Variants in ANO2 observed in about 807,000 individuals in gnomAD.
ANO2 encodes anoctamin-2.
A neutral mutation model predicts 124.2 loss-of-function variants in ANO2; 101 were observed. That is an observed-to-expected ratio of 0.81 (90% CI 0.69 to 0.96). ANO2 has a LOEUF of 0.96. ANO2 is among the 40% of genes least tolerant of loss of function. The pLI is 0.00. For synonymous variants in ANO2, 486 were observed against 482.5 expected (o/e 1.01, Z -0.09); for missense variants, 1,293 against 1,274.5 (o/e 1.01, Z -0.22).
At chr12:5,565,470 A>G in intron 24 of ANO2, 88 bp downstream of exon 24, 1 of 1,137,092 alleles carries the variant, frequency 8.8e-7, no homozygotes, top group Non-Finnish European at 1.3e-6. Flanking sequence ...TACCACCGGA[A>G]CCTGGAGGTA....
At position 5,701,930 on chromosome 12, in the gene ANO2, C is replaced by T. The variant is rs138311089; in HGVS notation, c.1545+30590G>A. Among the ~76,000 whole-genome samples the T allele has an allele frequency of 4.8e-3, 729 of 152,040 alleles. 10 individuals are homozygous for T. The highest frequency in any genetic ancestry group is 4.4e-3 in the Non-Finnish European group (300 of 67,998). ...CCCAAATACAACAGCAGCTAAAACTCGATTATGGATAATTGATTATTCCTT... is the reference window on the plus strand; with the variant it reads ...CCCAAATACAACAGCAGCTAAAACTTGATTATGGATAATTGATTATTCCTT... On this transcript the variant is annotated intron_variant, in intron 14 of 24. Coordinates refer to ENST00000682330, the MANE Select transcript of ANO2 (RefSeq NM_001364791.2).
At chr12:5,799,438 AG>A (rs1167103015) in intron 10 of ANO2, 68 bp downstream of exon 10, 1 of 1,337,170 alleles carries the variant, frequency 7.5e-7, no homozygotes, top group Non-Finnish European at 1.1e-6. Flanking sequence ...CAGAGTCAAA[AG>A]GTTTATGATA....
chr12:5,844,835 T>TTG (rs570165687), intron 4 of ANO2, among the ~76,000 whole-genome samples: 1 of 120,636 alleles, frequency 8.3e-6, no homozygotes, highest in African/African-American at 2.8e-5. Context: ...GAACCAGTTT[T>TTG]TGTGTGTTTG....
At chr12:5,793,624 G>A (rs1045752983) in intron 10 of ANO2, among the ~76,000 whole-genome samples, 3 of 152,230 alleles carry the variant, frequency 2.0e-5, no homozygotes, top group Admixed American at 6.5e-5. Context: ...AGGTGGCCAT[G>A]GGGAACTTGT....
At chr12:5,939,083 G>A (rs922233582) in intron 1 of ANO2, among the ~76,000 whole-genome samples, 2 of 151,094 alleles carry the variant, frequency 1.3e-5, no homozygotes, top group African/African-American at 2.4e-5. Context: ...TGGGCGTAGT[G>A]GTGCGCGCCT....
At chr12:5,647,258 T>C (rs183788525) in intron 15 of ANO2, among the ~76,000 whole-genome samples, 193 of 152,324 alleles carry the variant, frequency 1.3e-3, no homozygotes, top group African/African-American at 4.4e-3. Flanking sequence ...CTGACGCAGC[T>C]GAGACCGTCT....
chr12:5,750,977 A>C lies in ANO2; in HGVS notation c.1056-7T>G. 1 of 1,582,782 alleles carries C rather than the reference A, an allele frequency of 6.3e-7. No homozygotes were observed. The highest frequency in any genetic ancestry group is 8.6e-7 in the Non-Finnish European group (1 of 1,164,114). On this transcript the variant is annotated splice_region_variant and splice_polypyrimidine_tract_variant and intron_variant, in intron 10 of 24. Transcript: ENST00000682330. ...TTTTTCTCCAAAATACTTTCTGGAA[A>C]AGAAAGAAAAGAAAATGAAACACAT... is the stretch of plus-strand genomic sequence containing the variant.
intron 14 of ANO2, among the ~76,000 whole-genome samples, chr12:5,731,982 T>C (rs1470515618): frequency 3.3e-5 from 5 of 152,202 alleles, no homozygotes; most frequent in Non-Finnish European, 5.9e-5. Context: ...CACAGACTAA[T>C]AGACCTGCAG....
chr12:5,658,740 T>A lies in ANO2; in HGVS notation c.1546-10939A>T, dbSNP rs540137469. On this transcript the variant is annotated intron_variant, in intron 14 of 24. Coordinates refer to ENST00000682330, the MANE Select transcript of ANO2 (RefSeq NM_001364791.2). This position sits in a 1 kb window ranked among gnomAD's most constrained non-coding sequence, Gnocchi z 4.3. The stretch of plus-strand genomic sequence containing the variant: ...GTCATCAATATCATCATCATCATCA[T>A]CAACATCATTATCATCATTAAATCA... Among the ~76,000 whole-genome samples the A allele has an allele frequency of 1.3e-5, 2 of 151,436 alleles. No individual in the cohort carries two copies. Among genetic ancestry groups the A allele is most frequent in the Admixed American group, 1.3e-4 (2 of 15,244 alleles).
At chr12:5,592,016 T>C (rs932596123) in intron 20 of ANO2, among the ~76,000 whole-genome samples, 8 of 152,206 alleles carry the variant, frequency 5.3e-5, no homozygotes, top group African/African-American at 9.6e-5. Context: ...AAATCAGAAG[T>C]GACTTTTCTT....
intron 3 of ANO2, among the ~76,000 whole-genome samples, chr12:5,867,928 A>G (rs1955474447): frequency 6.6e-6 from 1 of 152,172 alleles, no homozygotes; most frequent in Admixed American, 6.5e-5. Context: ...ACAGTAGGGG[A>G]GTGGGCAGGA....
chr12:5,615,158 T>C, intron 17 of ANO2, 28 bp downstream of exon 17: 1 of 1,593,412 alleles, frequency 6.3e-7, no homozygotes, highest in Non-Finnish European at 8.6e-7. Flanking sequence ...GCAAATTGCC[T>C]TTCTACACAT....
intron 10 of ANO2, among the ~76,000 whole-genome samples, chr12:5,788,748 AG>A (rs1449920032): frequency 2.0e-5 from 3 of 152,072 alleles, no homozygotes; most frequent in African/African-American, 7.2e-5. Flanking sequence ...TAGTAGAGAC[AG>A]GGTTTCACCA....
At chr12:5,780,060 G>C (rs576008427) in intron 10 of ANO2, among the ~76,000 whole-genome samples, 34 of 152,282 alleles carry the variant, frequency 2.2e-4, no homozygotes, top group Admixed American at 5.9e-4. Flanking sequence ...TTGAAAATCA[G>C]ATGTAAGAAA....
In ANO2 at chr12:5,635,226, A is replaced by G; in HGVS notation, c.1742T>C (p.Val581Ala). 6.2e-7 allele frequency: 1 copy of G among 1,612,404 alleles called. No homozygotes were observed. The highest frequency in any genetic ancestry group is 8.5e-7 in the Non-Finnish European group (1 of 1,179,490). Residue 581 changes from valine to alanine, a missense_variant, in exon 16 of 25, where the codon GTC (valine) becomes GCC (alanine). By Grantham distance (64) the Val-to-Ala change is moderately conservative. Coordinates refer to ENST00000682330, the MANE Select transcript of ANO2 (RefSeq NM_001364791.2). This position sits in a 1 kb window ranked among gnomAD's most constrained non-coding sequence, Gnocchi z 5.2. ...NVRVTVTATA[V>A]IINLVVILIL... ...GAGGATGACCACGAGGTTGATGATG[A>G]CTGCTGTTGCTGTCACTGTCACCCG...
At chr12:5,850,354 T>G (rs1954839575) in intron 4 of ANO2, among the ~76,000 whole-genome samples, 1 of 147,364 alleles carries the variant, frequency 6.8e-6, no homozygotes, top group Non-Finnish European at 1.5e-5. Flanking sequence ...AGGCAGAGGT[T>G]GCAGTGAGCC....
intron 3 of ANO2, among the ~76,000 whole-genome samples, chr12:5,879,489 A>G (rs1337062243): frequency 3.3e-5 from 5 of 152,252 alleles, no homozygotes; most frequent in Non-Finnish European, 5.9e-5. Flanking sequence ...CACTAGGGTT[A>G]CCAGGACAAA....
chr12:5,873,233 C>CTG (rs1937844036), intron 3 of ANO2, among the ~76,000 whole-genome samples: 1 of 139,090 alleles, frequency 7.2e-6, no homozygotes, highest in African/African-American at 3.0e-5. Context: ...CTCTCTCTCT[C>CTG]TCTCTCTCTC....
chr12:5,670,152 TG>T (rs1278520849), intron 14 of ANO2, among the ~76,000 whole-genome samples: 2 of 152,212 alleles, frequency 1.3e-5, no homozygotes, highest in Non-Finnish European at 2.9e-5. Context: ...TGTGGCTGCA[TG>T]ATCTTAGGCA....
Sources: gnomAD v4.1 joint callset for allele counts (sites outside exome capture counted in the v4.1 genomes callset) on GRCh38, gnomAD v4.1.1 for gene constraint, Gnocchi (gnomAD v3.1) non-coding constraint, MANE v1.5 for transcripts, NCBI Gene and HGNC (gene_info 2026-07-23, HGNC 2026-07-21) for gene names.